The following FER1L5 variants were observed in gnomAD, a reference collection of about 807,000 sequenced individuals.
The protein encoded by FER1L5 is fer-1-like protein 5.
Under a neutral mutation model 279.9 loss-of-function variants are expected in FER1L5, and 187 were observed. The ratio of observed to expected loss-of-function variants is 0.67; its 90% CI spans 0.59 to 0.75. FER1L5 has a LOEUF of 0.75. FER1L5 is among the 30% of genes least tolerant of loss of function. The pLI, the probability that FER1L5 is intolerant of heterozygous loss-of-function variation, is 0.00. For synonymous variants in FER1L5, 921 were observed against 989.7 expected (o/e 0.93, Z 1.30); for missense variants, 2,091 against 2,594.4 (o/e 0.81, Z 4.21).
chr2:96,667,099 A>G (rs2076151529), intron 14 of FER1L5, among the ~76,000 whole-genome samples: 1 of 152,112 alleles, frequency 6.6e-6, no homozygotes. Flanking sequence ...CTGATTCCCC[A>G]TCTCTTTATA....
intron 39 of FER1L5, 63 bp from the exon 40 acceptor site, chr2:96,697,974 G>T: frequency 6.6e-7 from 1 of 1,522,604 alleles, no homozygotes; most frequent in Non-Finnish European, 8.8e-7. Context: ...GGAGCTGGTG[G>T]TCCCTCCATC....
chr2:96,689,305 C>T lies in FER1L5; in HGVS notation c.2454C>T (p.Leu818=). The change falls in exon 25 of 53, where the codon CTC becomes CTT. Residue 818 remains leucine (L), a synonymous_variant. Coordinates refer to ENST00000624922, the MANE Select transcript of FER1L5 (RefSeq NM_001293083.2). The surrounding 1 kb of genome is among the most constrained non-coding windows in gnomAD (Gnocchi z 4.6). The part of the protein sequence containing the change: ...NFSDVMGNKT[L]PMTDFQPPLG... Reference sequence around the variant, plus strand: ...CGGATGTCATGGGGAACAAGACCCTCCCCATGACGGATTTCCAACCACCCC... The same window carrying T: ...CGGATGTCATGGGGAACAAGACCCTTCCCATGACGGATTTCCAACCACCCC... 1.3e-6 allele frequency: 2 copies of T among 1,550,210 alleles called. No individual in the cohort carries two copies. The highest frequency in any genetic ancestry group is 1.7e-6 in the Non-Finnish European group (2 of 1,146,588).
intron 9 of FER1L5, among the ~76,000 whole-genome samples, chr2:96,658,710 A>C (rs1433358842): frequency 1.3e-5 from 2 of 152,008 alleles, no homozygotes; most frequent in African/African-American, 4.8e-5. Context: ...TATTTTAGCC[A>C]TTCTAATGGT....
chr2:96,672,540 G>C (rs1346661347), intron 18 of FER1L5, among the ~76,000 whole-genome samples: 1 of 152,162 alleles, frequency 6.6e-6, no homozygotes, highest in African/African-American at 2.4e-5. Flanking sequence ...ACAGAAACAA[G>C]AGGGGCTGAT....
At position 96,702,560 on chromosome 2, in the gene FER1L5, C is replaced by A; in HGVS notation, c.5256-40C>A. 1 of 1,554,298 alleles carries A rather than the reference C, an allele frequency of 6.4e-7. No homozygotes were observed. The highest frequency in any genetic ancestry group is 8.7e-7 in the Non-Finnish European group (1 of 1,148,950). On this transcript the variant is annotated intron_variant, in intron 47 of 52. Transcript: ENST00000624922. This position sits in a 1 kb window ranked among gnomAD's most constrained non-coding sequence, Gnocchi z 4.0. ...TGGGGCTCCAGCTGGGGGATGGGGC[C>A]AATGCACATGAGCCACAGGTGATAG...
At position 96,689,440 on chromosome 2, in the gene FER1L5, C is replaced by T. The variant is rs2077056871; in HGVS notation, c.2525+64C>T. 2 of 1,534,032 alleles carry T rather than the reference C, an allele frequency of 1.3e-6. No homozygotes were observed. Among genetic ancestry groups the T allele is most frequent in the Non-Finnish European group, 1.8e-6 (2 of 1,141,734 alleles). On this transcript the variant is annotated intron_variant, in intron 25 of 52. Transcript: ENST00000624922. The surrounding 1 kb of genome is among the most constrained non-coding windows in gnomAD (Gnocchi z 4.6). Reference sequence around the variant, plus strand: ...TTCACCTGGGAGGGCCAGTCCGCGGCAGCCCAGAAAGATGGGTACCTAGCC... The same window carrying T: ...TTCACCTGGGAGGGCCAGTCCGCGGTAGCCCAGAAAGATGGGTACCTAGCC...
intron 23 of FER1L5, among the ~76,000 whole-genome samples, chr2:96,687,307 CA>C (rs929893423): frequency 5.9e-5 from 9 of 152,246 alleles, no homozygotes; most frequent in African/African-American, 2.2e-4. Flanking sequence ...CACCAACACG[CA>C]AGGCTCCTTC....
Position 96,695,825 on chromosome 2 carries a change from G to T in FER1L5, c.3978G>T (p.Thr1326=), listed in dbSNP as rs781185641. Residue 1326 remains threonine (T), a synonymous_variant, in exon 36 of 53, where the codon ACG becomes ACT. Coordinates refer to ENST00000624922, the MANE Select transcript of FER1L5 (RefSeq NM_001293083.2). ...GGGCCTTCGGCCAGCAGACCGTGAC[G>T]GGCCAGGCCAACATCGACTTCCTCC... The part of the protein sequence containing the change: ...DNWAFGQQTV[T]GQANIDFLQP... 4.3e-6 allele frequency: 7 copies of T among 1,613,218 alleles called. No homozygotes were observed. The highest frequency in any genetic ancestry group is 5.9e-6 in the Non-Finnish European group (7 of 1,179,584).
At position 96,687,862 on chromosome 2, in the gene FER1L5, G is replaced by C; in HGVS notation, c.2276G>C (p.Arg759Pro). The C allele has an allele frequency of 5.2e-6, 8 of 1,551,290 alleles. No individual in the cohort carries two copies. The highest frequency in any genetic ancestry group is 7.0e-6 in the Non-Finnish European group (8 of 1,146,964). ...GQKDVLPAHLRVCMWLGNVTD... is the reference protein window; with the variant it reads ...GQKDVLPAHLPVCMWLGNVTD... Reference sequence around the variant, plus strand: ...AAGGATGTGCTCCCAGCTCACCTCCGGGTCTGCATGTGGCTTGGCAATGTC... The same window carrying C: ...AAGGATGTGCTCCCAGCTCACCTCCCGGTCTGCATGTGGCTTGGCAATGTC... Residue 759 changes from arginine to proline, a missense_variant, in exon 24 of 53, where the codon CGG becomes CCG. By Grantham distance (103) the Arg-to-Pro change is moderately radical. Transcript: ENST00000624922.
At chr2:96,672,661 T>C (rs1018624169) in intron 18 of FER1L5, among the ~76,000 whole-genome samples, 3 of 54,666 alleles carry the variant, frequency 5.5e-5, no homozygotes, top group Admixed American at 1.5e-4. Flanking sequence ...GGAGTATGAA[T>C]GTGTGTGTGT....
chr2:96,696,587 C>A (rs376032085), intron 37 of FER1L5, among the ~76,000 whole-genome samples: 8 of 152,174 alleles, frequency 5.3e-5, no homozygotes, highest in African/African-American at 1.9e-4. Flanking sequence ...AGCCACCATG[C>A]CCGGCCTTAA....
intron 6 of FER1L5, 64 bp downstream of exon 6, chr2:96,650,353 A>G: frequency 7.4e-7 from 1 of 1,359,776 alleles, no homozygotes; most frequent in Non-Finnish European, 1.0e-6. Context: ...CTGTGTTCCC[A>G]GGCCACCTCA....
intron 17 of FER1L5, among the ~76,000 whole-genome samples, 192 bp downstream of exon 17, chr2:96,669,329 C>T (rs1296955416): frequency 6.6e-6 from 1 of 152,120 alleles, no homozygotes; most frequent in Non-Finnish European, 1.5e-5. Flanking sequence ...AAGGAGCAAG[C>T]GGAAGCTCTG....
intron 7 of FER1L5, chr2:96,652,294 T>C (rs2075414539): frequency 2.2e-6 from 1 of 456,962 alleles, no homozygotes. Context: ...TCTGGGAGTA[T>C]TGCTATTGGA....
Position 96,696,613 on chromosome 2 carries a change from T to C in FER1L5, c.4083+536T>C, listed in dbSNP as rs116402087. ...CCGGCCTTAAATCTTAAAAAAAAATTTTTTTGGCTGGGTGCAGTGGCTCAC... is the reference window on the plus strand; with the variant it reads ...CCGGCCTTAAATCTTAAAAAAAAATCTTTTTGGCTGGGTGCAGTGGCTCAC... On this transcript the variant is annotated intron_variant, in intron 37 of 52. Coordinates refer to ENST00000624922, the MANE Select transcript of FER1L5 (RefSeq NM_001293083.2). 8.5e-3 allele frequency among the ~76,000 whole-genome samples: 1,297 copies of C among 151,980 alleles called. 13 individuals are homozygous for C. The highest frequency in any genetic ancestry group is 0.03 in the African/African-American group (1,247 of 41,470).
intron 19 of FER1L5, among the ~76,000 whole-genome samples, chr2:96,680,688 C>G (rs2076687265): frequency 6.6e-6 from 1 of 152,156 alleles, no homozygotes; most frequent in Non-Finnish European, 1.5e-5. Context: ...CTTAAGTAAA[C>G]TTTCAAGTAG....
chr2:96,660,460 C>A, intron 10 of FER1L5, 89 bp downstream of exon 10: 3 of 1,162,160 alleles, frequency 2.6e-6, no homozygotes, highest in Non-Finnish European at 3.8e-6. Context: ...ATGTCCAACA[C>A]ATGGGTGGAG....
At chr2:96,646,496 A>C in intron 2 of FER1L5, 43 bp downstream of exon 2, 5 of 1,539,798 alleles carry the variant, frequency 3.2e-6, no homozygotes, top group South Asian at 1.2e-5. Flanking sequence ...AACAACCCCA[A>C]CAGCAAGGGG....
In FER1L5 at chr2:96,702,760, G is replaced by C; in HGVS notation, c.5397+19G>C. On this transcript the variant is annotated intron_variant, in intron 48 of 52. Transcript: ENST00000624922. The surrounding 1 kb of genome is among the most constrained non-coding windows in gnomAD (Gnocchi z 4.0). ...CCAGAAGGTAACAGGCCTGGGGCGT[G>C]AGGGGCAACAGGCCACAACAAACAG... 6.2e-7 allele frequency: 1 copy of C among 1,611,394 alleles called. No individual in the cohort carries two copies.
Sources: allele counts gnomAD v4.1 joint callset (sites outside exome capture counted in the v4.1 genomes callset), GRCh38; gene constraint gnomAD v4.1.1; non-coding constraint Gnocchi (gnomAD v3.1); transcripts MANE v1.5; gene names NCBI Gene and HGNC (gene_info 2026-07-23, HGNC 2026-07-21).